The following ADCY2 variants were observed in gnomAD, a reference collection of about 807,000 sequenced individuals.
ADCY2 encodes the protein adenylate cyclase type 2.
Under a neutral mutation model 125.2 loss-of-function variants are expected in ADCY2, and 31 were observed. The ratio of observed to expected loss-of-function variants is 0.25; its 90% confidence interval spans 0.19 to 0.33. ADCY2 has a LOEUF of 0.33. Ranked by LOEUF, ADCY2 falls within the 10% of genes least tolerant of loss-of-function variation. The pLI is 1.00. For missense variants in ADCY2, 904 were observed against 1,418.2 expected (o/e 0.64, Z 5.82); for synonymous variants, 512 against 548.4 (o/e 0.93, Z 0.93).
At chr5:7,730,781 G>C in intron 14 of ADCY2, among the ~76,000 whole-genome samples, 1 of 152,008 alleles carries the variant, frequency 6.6e-6, no homozygotes. Flanking sequence ...TTTCTAGGGA[G>C]TCTGTCTTTC....
intron 21 of ADCY2, among the ~76,000 whole-genome samples, chr5:7,804,040 AAGAGAGAGAGAGAGAGAGAG>A (rs57193249): frequency 9.4e-6 from 1 of 106,586 alleles, no homozygotes; most frequent in African/African-American, 3.7e-5. Context: ...GGAGGGGGGA[AAGAGAGAGAGAGAGAGAGAG>A]AGAGAGAGAG....
intron 6 of ADCY2, 150 bp from the exon 7 acceptor site, chr5:7,698,097 G>C: frequency 1.2e-6 from 1 of 863,228 alleles, no homozygotes; most frequent in Non-Finnish European, 1.8e-6. Flanking sequence ...TTCTGGTTGA[G>C]TAATGAAGGG....
At chr5:7,494,685 C>A (rs1743285356) in intron 2 of ADCY2, among the ~76,000 whole-genome samples, 1 of 152,144 alleles carries the variant, frequency 6.6e-6, no homozygotes, top group Non-Finnish European at 1.5e-5. Flanking sequence ...CAGAGACTCT[C>A]AGCTCCATTT....
intron 18 of ADCY2, among the ~76,000 whole-genome samples, chr5:7,775,210 T>TGTGTATGC (rs70940761): frequency 1.3e-5 from 2 of 150,296 alleles, no homozygotes; most frequent in African/African-American, 2.5e-5. Context: ...TGTGTGTGTG[T>TGTGTATGC]ATGCACACAC....
At chr5:7,577,378 A>G (rs1244971291) in intron 3 of ADCY2, among the ~76,000 whole-genome samples, 1 of 152,256 alleles carries the variant, frequency 6.6e-6, no homozygotes, top group Non-Finnish European at 1.5e-5. Flanking sequence ...TTTATAATGC[A>G]CTAAAAACAA....
intron 2 of ADCY2, among the ~76,000 whole-genome samples, chr5:7,425,917 G>A (rs756034476): frequency 2.0e-5 from 3 of 152,140 alleles, no homozygotes; most frequent in African/African-American, 4.8e-5. Context: ...GTATTAACAG[G>A]TACTGTAGAT....
chr5:7,442,670 G>A (rs1741058911), intron 2 of ADCY2, among the ~76,000 whole-genome samples: 1 of 152,058 alleles, frequency 6.6e-6, no homozygotes, highest in South Asian at 2.1e-4. Flanking sequence ...TATTTCATTT[G>A]TTTCTCTACT....
intron 3 of ADCY2, among the ~76,000 whole-genome samples, chr5:7,545,973 A>C (rs1157464737): frequency 6.6e-6 from 1 of 152,048 alleles, no homozygotes; most frequent in East Asian, 1.9e-4. Context: ...TCTACTTCCT[A>C]ATGATCATTT....
chr5:7,457,415 C>G (rs1741721573), intron 2 of ADCY2, among the ~76,000 whole-genome samples: 1 of 152,174 alleles, frequency 6.6e-6, no homozygotes. Flanking sequence ...TCTGTCCCAT[C>G]TGTGGCCTTT....
rs150605820 is a variant in ADCY2 at position 7,409,536 on chromosome 5, T to G, written c.211-5037T>G. Reference sequence around the variant, plus strand: ...TAAATTATGCTGTAATCAAAGAACATGGCTCTGTGTGATAACTCTTCTTTG... The same window carrying G: ...TAAATTATGCTGTAATCAAAGAACAGGGCTCTGTGTGATAACTCTTCTTTG... On this transcript the variant is annotated intron_variant, in intron 1 of 24. Coordinates refer to ENST00000338316, the MANE Select transcript of ADCY2 (RefSeq NM_020546.3). Among the ~76,000 whole-genome samples the G allele has an allele frequency of 8.8e-4, 134 of 152,352 alleles. 1 individual carries two copies. The East Asian group carries it at 0.021, about 23-fold the overall frequency.
intron 16 of ADCY2, 54 bp from the exon 17 acceptor site, chr5:7,766,633 T>A: frequency 1.3e-6 from 2 of 1,589,794 alleles, no homozygotes; most frequent in Non-Finnish European, 1.7e-6. Context: ...ACCCACCTGC[T>A]AGTTATTTAA....
chr5:7,751,795 C>A (rs950143875), intron 15 of ADCY2, among the ~76,000 whole-genome samples: 2 of 152,100 alleles, frequency 1.3e-5, no homozygotes, highest in African/African-American at 2.4e-5. Flanking sequence ...AAGCTCACCC[C>A]CTAAGTGCCA....
chr5:7,651,798 T>C (rs1739100739), intron 4 of ADCY2, among the ~76,000 whole-genome samples: 1 of 152,122 alleles, frequency 6.6e-6, no homozygotes, highest in Non-Finnish European at 1.5e-5. Flanking sequence ...TCTTTTTATT[T>C]ATTTATTTAT....
At chr5:7,824,799 C>T (rs1376447306) in intron 24 of ADCY2, among the ~76,000 whole-genome samples, 4 of 152,206 alleles carry the variant, frequency 2.6e-5, no homozygotes, top group Admixed American at 2.6e-4. Flanking sequence ...AGGATTCACC[C>T]TGGTTCTGGG....
chr5:7,695,652 T>C (rs898895715), intron 5 of ADCY2, 100 bp from the exon 6 acceptor site: 1 of 613,892 alleles, frequency 1.6e-6, no homozygotes, highest in African/African-American at 1.9e-5. Context: ...ATATAAAGTA[T>C]AAGCAAAATT....
intron 24 of ADCY2, among the ~76,000 whole-genome samples, chr5:7,824,917 C>T (rs1745417749): frequency 1.3e-5 from 2 of 152,210 alleles, no homozygotes; most frequent in South Asian, 4.1e-4. Context: ...CTTTCTTAGT[C>T]TCCAAGTCCA....
chr5:7,630,718 G>C (rs1310012191), intron 4 of ADCY2, among the ~76,000 whole-genome samples: 2 of 151,366 alleles, frequency 1.3e-5, no homozygotes, highest in Non-Finnish European at 2.9e-5. Context: ...CTAGATCCTA[G>C]ACCCTTTCCA....
intron 22 of ADCY2, among the ~76,000 whole-genome samples, 192 bp from the exon 23 acceptor site, chr5:7,816,674 C>A (rs1006409194): frequency 6.6e-6 from 1 of 152,246 alleles, no homozygotes; most frequent in Non-Finnish European, 1.5e-5. Context: ...TCTTCTAGCA[C>A]CTAACGTCTC....
At position 7,829,456 on chromosome 5, in the gene ADCY2, C is replaced by G. The variant is rs1745579976; in HGVS notation, c.*2585C>G. On this transcript the variant is annotated 3_prime_UTR_variant, in exon 25 of 25. Transcript: ENST00000338316. The stretch of plus-strand genomic sequence containing the variant: ...TTCCTGGTCAAAGCTCCTTAAAGTT[C>G]TGGGCAGCTAAAAGCATCCCTGTGA... The G allele has an allele frequency of 1.3e-5, 2 of 152,698 alleles. No individual in the cohort carries two copies. The highest frequency in any genetic ancestry group is 4.8e-5 in the African/African-American group (2 of 41,404). 9.5% of individuals were successfully genotyped at this position (152,698 alleles called of 1,614,324 possible).
Sources: gnomAD v4.1 joint callset for allele counts (sites outside exome capture counted in the v4.1 genomes callset) on GRCh38, gnomAD v4.1.1 for gene constraint, MANE v1.5 for transcripts, NCBI Gene and HGNC (gene_info 2026-07-23, HGNC 2026-07-21) for gene names.